CSMD1: variants seen among roughly 807,000 people sequenced by gnomAD.
The protein encoded by CSMD1 is CUB and sushi domain-containing protein 1.
CSMD1 carries 213 observed loss-of-function variants against 417.5 expected under a neutral mutation model. That is an observed-to-expected ratio of 0.51 (90% CI 0.46 to 0.57). The LOEUF is 0.57. CSMD1 is among the 20% of genes least tolerant of loss of function. The probability of loss-of-function intolerance (pLI) is 0.00; values close to 1 mark genes in which losing one functional copy is unlikely to be tolerated. For synonymous variants in CSMD1, 2,862 were observed against 1,736.8 expected, an observed-to-expected ratio of 1.65 and a Z score of -16.11; for missense variants, 6,923 against 4,529.7, an observed-to-expected ratio of 1.53 and a Z score of -15.17.
At chr8:4,600,419 G>C (rs1365968795) in intron 2 of CSMD1, among the ~76,000 whole-genome samples, 2 of 152,154 alleles carry the variant, frequency 1.3e-5, no homozygotes, top group Non-Finnish European at 1.5e-5. Context: ...AGATGGATAT[G>C]TTCCTTATTT....
intron 7 of CSMD1, among the ~76,000 whole-genome samples, chr8:3,634,057 C>T (rs772567767): frequency 6.2e-5 from 9 of 145,712 alleles, no homozygotes; most frequent in African/African-American, 2.0e-4. Flanking sequence ...TGACTCAGCA[C>T]ATCTGGGTAG....
intron 21 of CSMD1, among the ~76,000 whole-genome samples, chr8:3,357,264 G>T (rs183621532): frequency 3.3e-5 from 5 of 152,358 alleles, no homozygotes; most frequent in African/African-American, 9.6e-5. Context: ...CAGTGCGGTG[G>T]TTAAAGGCTG....
At chr8:3,072,549 G>A (rs935314456) in intron 49 of CSMD1, among the ~76,000 whole-genome samples, 1 of 152,166 alleles carries the variant, frequency 6.6e-6, no homozygotes, top group African/African-American at 2.4e-5. Flanking sequence ...CACAGTTCTT[G>A]GCGTAGGTGT....
chr8:4,362,050 G>C (rs939119309), intron 3 of CSMD1, among the ~76,000 whole-genome samples: 3 of 152,002 alleles, frequency 2.0e-5, no homozygotes, highest in Non-Finnish European at 4.4e-5. Flanking sequence ...GGATACATAA[G>C]GAACCTGTGA....
chr8:3,083,251 T>A (rs1814243568), intron 49 of CSMD1, among the ~76,000 whole-genome samples: 1 of 151,938 alleles, frequency 6.6e-6, no homozygotes, highest in Admixed American at 6.6e-5. Flanking sequence ...GAACTGAAAA[T>A]AAAATTCTCT....
At chr8:4,681,972 A>T (rs1244972831) in intron 1 of CSMD1, among the ~76,000 whole-genome samples, 2 of 152,164 alleles carry the variant, frequency 1.3e-5, no homozygotes, top group African/African-American at 4.8e-5. Flanking sequence ...TTTCTGTGGA[A>T]AGCGTTATTA....
At chr8:4,361,608 C>T (rs145736595) in intron 3 of CSMD1, among the ~76,000 whole-genome samples, 4 of 152,114 alleles carry the variant, frequency 2.6e-5, no homozygotes, top group Non-Finnish European at 5.9e-5. Context: ...TTTTATACTC[C>T]CAACTCTCTG....
At chr8:3,133,523 C>A (rs1054848953) in intron 41 of CSMD1, among the ~76,000 whole-genome samples, 1 of 152,114 alleles carries the variant, frequency 6.6e-6, no homozygotes, top group African/African-American at 2.4e-5. Flanking sequence ...GGAAGGCTCA[C>A]GTGGACACCG....
At chr8:3,219,563 G>T (rs937958083) in intron 28 of CSMD1, 121 bp from the exon 29 acceptor site, 8 of 671,204 alleles carry the variant, frequency 1.2e-5, no homozygotes, top group Non-Finnish European at 1.2e-5. Flanking sequence ...TTCAGTTAGG[G>T]CAATCAAAAA....
At chr8:4,721,381 G>A (rs535169665) in intron 1 of CSMD1, among the ~76,000 whole-genome samples, 1 of 152,132 alleles carries the variant, frequency 6.6e-6, no homozygotes, top group South Asian at 2.1e-4. Context: ...TATAAACTAA[G>A]AATCATCAAA....
rs568401991 is a variant in CSMD1, at chr8:3,732,190, A to T, written c.931+21740T>A. Among the ~76,000 whole-genome samples the T allele has an allele frequency of 4.2e-4, 64 of 152,308 alleles. No homozygotes were observed. In the South Asian group the frequency reaches 0.011, roughly 26 times the overall value. On this transcript the variant is annotated intron_variant, in intron 6 of 69. Transcript: ENST00000635120. Reference sequence around the variant, plus strand: ...CTCGTGGTGGTTGCCTTGGGAACAGAGTCTTTCCGAGAGGACTCTATCAAT... The same window carrying T: ...CTCGTGGTGGTTGCCTTGGGAACAGTGTCTTTCCGAGAGGACTCTATCAAT...
chr8:3,699,312 G>A (rs547512876), intron 7 of CSMD1, among the ~76,000 whole-genome samples: 3 of 152,290 alleles, frequency 2.0e-5, no homozygotes, highest in East Asian at 3.9e-4. Flanking sequence ...CCATGCAGTG[G>A]ATATCATGAT....
At chr8:3,532,372 G>C (rs1342229853) in intron 10 of CSMD1, among the ~76,000 whole-genome samples, 4 of 152,110 alleles carry the variant, frequency 2.6e-5, no homozygotes, top group Non-Finnish European at 4.4e-5. Flanking sequence ...ACCAATCTGT[G>C]TGTGTATGAG....
intron 5 of CSMD1, among the ~76,000 whole-genome samples, chr8:3,987,222 ACT>A (rs1420979103): frequency 6.6e-6 from 1 of 151,928 alleles, no homozygotes; most frequent in Non-Finnish European, 1.5e-5. Context: ...AGCAGCACGC[ACT>A]CTTCCTGTGA....
chr8:4,821,337 A>C (rs1465883233), intron 1 of CSMD1, among the ~76,000 whole-genome samples: 2 of 152,166 alleles, frequency 1.3e-5, no homozygotes, highest in African/African-American at 4.8e-5. Context: ...TAGTCAGAGA[A>C]ACTTTATCCA....
chr8:3,363,062 G>T (rs1359838701), intron 20 of CSMD1, among the ~76,000 whole-genome samples: 1 of 152,030 alleles, frequency 6.6e-6, no homozygotes, highest in Non-Finnish European at 1.5e-5. Context: ...CTTTCCCCTC[G>T]GTTTCAGGGG....
At chr8:3,499,384 T>A (rs141923365) in intron 10 of CSMD1, among the ~76,000 whole-genome samples, 376 of 152,228 alleles carry the variant, frequency 2.5e-3, no homozygotes, top group African/African-American at 8.7e-3. Flanking sequence ...GAAGGTCACA[T>A]GAGCCATCTC....
intron 25 of CSMD1, among the ~76,000 whole-genome samples, chr8:3,297,529 G>C (rs552682553): frequency 2.0e-5 from 3 of 152,076 alleles, no homozygotes; most frequent in African/African-American, 7.2e-5. Flanking sequence ...TAGTTGTCTC[G>C]TTAATTACTA....
At chr8:4,919,318 T>C (rs1281431810) in intron 1 of CSMD1, among the ~76,000 whole-genome samples, 1 of 152,300 alleles carries the variant, frequency 6.6e-6, no homozygotes, top group Non-Finnish European at 1.5e-5. Flanking sequence ...TAGATGTAAA[T>C]GTTAAATTCT....
Sources: allele counts gnomAD v4.1 joint callset (sites outside exome capture counted in the v4.1 genomes callset), GRCh38; gene constraint gnomAD v4.1.1; transcripts MANE v1.5; gene names NCBI Gene and HGNC (gene_info 2026-07-23, HGNC 2026-07-21).